Variants in ZMYM2 observed in about 807,000 individuals in gnomAD.
ZMYM2 encodes zinc finger MYM-type protein 2.
In ZMYM2, 56 loss-of-function variants were observed where a neutral mutation model predicts 162.8. The ratio of observed to expected loss-of-function variants is 0.34; its 90% CI spans 0.28 to 0.43. ZMYM2 has a LOEUF of 0.43. Ranked by LOEUF, ZMYM2 falls within the 20% of genes least tolerant of loss-of-function variation. The pLI is 1.00. For synonymous variants in ZMYM2, 510 were observed against 541.6 expected, an observed-to-expected ratio of 0.94 and a Z score of 0.81; for missense variants, 1,275 against 1,621.8, an observed-to-expected ratio of 0.79 and a Z score of 3.67.
Position 19,993,478 on chromosome 13 carries a change from T to C in ZMYM2, c.406T>C (p.Ser136Pro), listed in dbSNP as rs1393285149. 6.2e-7 allele frequency: 1 copy of C among 1,614,098 alleles called. No homozygotes were observed. The highest frequency in any genetic ancestry group is 1.1e-5 in the South Asian group (1 of 91,082). ...AAATCAAGGGCAAGAGAAAAATTCC[T>C]CCAATTTTATTGAACGAAGACCTCC... is the stretch of plus-strand genomic sequence containing the variant. ...ETNQGQEKNS[S>P]NFIERRPPET... The change falls in exon 3 of 25, where the codon TCC becomes CCC. Residue 136 changes from serine (S) to proline (P), a missense_variant. Physicochemically the swap from Ser to Pro is moderately conservative, Grantham distance 74. This residue lies in a region of ZMYM2 where 295 missense variants were observed against 286.7 expected (regional missense o/e 1.03). Transcript: ENST00000610343.
chr13:19,875,887 G>C, the ZMYM2 span, among the ~76,000 whole-genome samples: 6 of 151,952 alleles, frequency 3.9e-5, no homozygotes, highest in African/African-American at 1.2e-4. Flanking sequence ...TTCACTATTT[G>C]GGTGACGTGA....
At chr13:19,929,800 G>C in the ZMYM2 span, among the ~76,000 whole-genome samples, 1 of 152,182 alleles carries the variant, frequency 6.6e-6, no homozygotes, top group African/African-American at 2.4e-5. Context: ...CTGGAAGACT[G>C]TGTTTAAGAT....
At chr13:19,897,222 A>G in the ZMYM2 span, among the ~76,000 whole-genome samples, 3 of 152,208 alleles carry the variant, frequency 2.0e-5, no homozygotes, top group African/African-American at 4.8e-5. Flanking sequence ...AAAAAAAGTT[A>G]TAAAACACAC....
intron 2 of ZMYM2, among the ~76,000 whole-genome samples, chr13:19,990,084 A>G (rs761290062): frequency 3.9e-5 from 6 of 152,148 alleles, no homozygotes; most frequent in Non-Finnish European, 8.8e-5. Flanking sequence ...CTGAGATTGT[A>G]TCACCTCTTT....
At chr13:20,045,803 C>T (rs182849752) in intron 12 of ZMYM2, among the ~76,000 whole-genome samples, 71 of 152,040 alleles carry the variant, frequency 4.7e-4, no homozygotes, top group Middle Eastern at 3.4e-3. Context: ...CAAATATCTG[C>T]CTAATTGTAA....
At chr13:20,046,073 C>T (rs980422749) in intron 12 of ZMYM2, among the ~76,000 whole-genome samples, 3 of 143,424 alleles carry the variant, frequency 2.1e-5, no homozygotes, top group African/African-American at 5.4e-5. Context: ...GAGAGCCCAT[C>T]TCTGCAAAAA....
chr13:20,025,365 TGCACTTGAAG>T (rs1482531050), intron 7 of ZMYM2: 1 of 188,322 alleles, frequency 5.3e-6, no homozygotes, highest in African/African-American at 2.3e-5. Context: ...CAAAACAACT[TGCACTTGAAG>T]GCTAGCCTTT....
In ZMYM2 at chr13:20,026,699, A is replaced by T; in HGVS notation, c.1672A>T (p.Met558Leu). The change falls in exon 8 of 25, where the codon ATG (methionine) becomes TTG (leucine). Residue 558 changes from methionine (M) to leucine (L), a missense_variant. Physicochemically the swap from Met to Leu is conservative, Grantham distance 15. Around this residue, in one of 10 missense-constraint regions of ZMYM2, gnomAD observed 276 missense variants for 311.8 expected, o/e 0.89. Coordinates refer to ENST00000610343, the MANE Select transcript of ZMYM2 (RefSeq NM_197968.4). ...TCAGTGTATAGGTCCTAATGGATAT[A>T]TGGAGCCATATTGTTCAACTGCTTG... Reference protein sequence around the residue: ...MTQCIGPNGYMEPYCSTACMN... With the variant: ...MTQCIGPNGYLEPYCSTACMN... The T allele has an allele frequency of 6.2e-7, 1 of 1,608,134 alleles. No individual in the cohort carries two copies. The highest frequency in any genetic ancestry group is 8.5e-7 in the Non-Finnish European group (1 of 1,178,718).
At chr13:19,869,918 G>C in the ZMYM2 span, among the ~76,000 whole-genome samples, 1 of 152,140 alleles carries the variant, frequency 6.6e-6, no homozygotes, top group Admixed American at 6.6e-5. Context: ...AAACTTAGTG[G>C]GTTAAAATAA....
At chr13:20,075,629 AT>A (rs915887142) in intron 21 of ZMYM2, among the ~76,000 whole-genome samples, 2 of 146,286 alleles carry the variant, frequency 1.4e-5, no homozygotes, top group African/African-American at 5.1e-5. Context: ...GTGAACACAT[AT>A]CCGTCATACT....
intron 21 of ZMYM2, among the ~76,000 whole-genome samples, chr13:20,078,022 T>G (rs1262870526): frequency 6.6e-6 from 1 of 152,022 alleles, no homozygotes; most frequent in Non-Finnish European, 1.5e-5. Context: ...TTTCACTGTG[T>G]TAGCCAGGAT....
intron 3 of ZMYM2, among the ~76,000 whole-genome samples, chr13:19,999,892 G>C (rs1950269517): frequency 6.6e-6 from 1 of 152,130 alleles, no homozygotes; most frequent in African/African-American, 2.4e-5. Context: ...CTGCCTCACA[G>C]GCTCAAGAGA....
intron 24 of ZMYM2, 131 bp from the exon 25 acceptor site, chr13:20,085,691 T>G: frequency 1.6e-6 from 1 of 623,226 alleles, no homozygotes; most frequent in East Asian, 2.8e-5. Context: ...GACAGAATAA[T>G]GGAGACAGTG....
At chr13:19,879,467 C>T in the ZMYM2 span, among the ~76,000 whole-genome samples, 14 of 152,292 alleles carry the variant, frequency 9.2e-5, no homozygotes, top group Middle Eastern at 6.8e-3. Context: ...ACCATAGCCA[C>T]AAACGTTTAC....
chr13:19,942,130 T>C, the ZMYM2 span, among the ~76,000 whole-genome samples: 27 of 152,154 alleles, frequency 1.8e-4, no homozygotes, highest in African/African-American at 6.5e-4. Context: ...TAATGCATTA[T>C]GTTAATTCAA....
the ZMYM2 span, among the ~76,000 whole-genome samples, chr13:19,913,808 T>C: frequency 6.6e-6 from 1 of 152,182 alleles, no homozygotes; most frequent in African/African-American, 2.4e-5. Flanking sequence ...ACATGAAGCA[T>C]TCGCCTGAAT....
the ZMYM2 span, among the ~76,000 whole-genome samples, chr13:19,948,924 T>C: frequency 6.6e-6 from 1 of 152,226 alleles, no homozygotes; most frequent in East Asian, 1.9e-4. Context: ...CCTTCGTACT[T>C]TTCAGGTATT....
the ZMYM2 span, among the ~76,000 whole-genome samples, chr13:19,867,124 G>T: frequency 6.6e-6 from 1 of 151,950 alleles, no homozygotes; most frequent in Non-Finnish European, 1.5e-5. Flanking sequence ...AAGCTGAGGC[G>T]GGTGGATCAC....
intron 12 of ZMYM2, among the ~76,000 whole-genome samples, chr13:20,037,948 A>C (rs970033363): frequency 6.6e-6 from 1 of 151,374 alleles, no homozygotes; most frequent in Non-Finnish European, 1.5e-5. Flanking sequence ...CCCTCCTCCC[A>C]CCCTCCACTC....
Sources: gnomAD v4.1 joint callset for allele counts (sites outside exome capture counted in the v4.1 genomes callset) on GRCh38, gnomAD v4.1.1 for gene constraint, gnomAD v4.1.1 regional missense constraint, MANE v1.5 for transcripts, NCBI Gene and HGNC (gene_info 2026-07-23, HGNC 2026-07-21) for gene names.